Variants in GPAT4 observed in about 807,000 individuals in gnomAD.
The protein encoded by GPAT4 is glycerol-3-phosphate acyltransferase 4.
GPAT4 carries 17 observed loss-of-function variants against 58.0 expected under a neutral mutation model. The observed-to-expected ratio is 0.29, with a 90% CI of 0.20 to 0.44. The LOEUF is 0.44. Among genes scored for constraint, GPAT4 ranks in the 20% least tolerant of loss-of-function variants. GPAT4 has a pLI of 1.00. For missense variants in GPAT4, 377 were observed against 574.5 expected (o/e 0.66, Z 3.51); for synonymous variants, 204 against 210.1 (o/e 0.97, Z 0.25).
intron 1 of GPAT4, among the ~76,000 whole-genome samples, chr8:41,583,151 G>C (rs1802567214): frequency 6.6e-6 from 1 of 151,924 alleles, no homozygotes. Flanking sequence ...GCTTGAACCT[G>C]GAGGCAAAGG....
chr8:41,605,539 GGTTGT>G (rs1456347829), intron 2 of GPAT4, among the ~76,000 whole-genome samples: 1 of 145,082 alleles, frequency 6.9e-6, no homozygotes, highest in African/African-American at 2.5e-5. Flanking sequence ...AATCATTGAA[GGTTGT>G]GTTTTGTTTG....
intron 4 of GPAT4, chr8:41,610,328 C>T (rs2150501395): frequency 8.2e-7 from 1 of 1,221,766 alleles, no homozygotes; most frequent in South Asian, 1.8e-5. Flanking sequence ...CCATGTGCTG[C>T]TCTGAGTGTG....
chr8:41,594,515 G>A lies in GPAT4; in HGVS notation c.-848-3777G>A, dbSNP rs113799424. The stretch of plus-strand genomic sequence containing the variant: ...TCACAACTTTCGCAGACAATTCTTC[G>A]ATATGTCTCAACTTTCTGACTTATT... On this transcript the variant is annotated intron_variant, in intron 1 of 12. Transcript: ENST00000396987. 1.5e-3 allele frequency among the ~76,000 whole-genome samples: 224 copies of A among 148,386 alleles called. 2 individuals carry two copies. Among genetic ancestry groups the A allele is most frequent in the Non-Finnish European group, 2.3e-3 (154 of 67,392 alleles).
At position 41,621,070 on chromosome 8, in the gene GPAT4, C is replaced by T. The variant is rs943867068; in HGVS notation, c.*69C>T. On this transcript the variant is annotated 3_prime_UTR_variant, in exon 13 of 13. Coordinates refer to ENST00000396987, the MANE Select transcript of GPAT4 (RefSeq NM_178819.4). ...GGCTCAGAGCTGGAGTTGCCGCCGC[C>T]GCCCCCACTGCTGTGTCCTTTCCAG... The T allele has an allele frequency of 2.2e-5, 34 of 1,539,334 alleles. No homozygotes were observed. The highest frequency in any genetic ancestry group is 2.6e-5 in the Non-Finnish European group (30 of 1,140,458).
At chr8:41,611,051 A>AC (rs11389883) in intron 5 of GPAT4, among the ~76,000 whole-genome samples, 70,832 of 151,780 alleles carry the variant, frequency 0.47, 16,871 homozygotes, top group African/African-American at 0.55. Flanking sequence ...GCATGGCGAA[A>AC]CCTGTCTCTA....
At chr8:41,595,811 TCTCTTTTC>T (rs78735266) in intron 1 of GPAT4, among the ~76,000 whole-genome samples, 13,942 of 152,078 alleles carry the variant, frequency 0.092, 820 homozygotes, top group South Asian at 0.14. Flanking sequence ...TCTTCCTGTC[TCTCTTTTC>T]CTCTTTTCCT....
chr8:41,579,846 A>C (rs546262206), intron 1 of GPAT4, among the ~76,000 whole-genome samples: 14 of 152,250 alleles, frequency 9.2e-5, no homozygotes, highest in African/African-American at 3.1e-4. Flanking sequence ...CAAAAAAAAA[A>C]AGAAAAGAAA....
intron 2 of GPAT4, 55 bp from the exon 3 acceptor site, chr8:41,609,361 T>C (rs1803373061): frequency 3.9e-6 from 6 of 1,546,706 alleles, no homozygotes; most frequent in Non-Finnish European, 5.4e-6. Context: ...AGGTGTTCAC[T>C]GATTGAAAAC....
chr8:41,583,160 G>A lies in GPAT4; in HGVS notation c.-849+4882G>A, dbSNP rs190530512. On this transcript the variant is annotated intron_variant, in intron 1 of 12. Coordinates refer to ENST00000396987, the MANE Select transcript of GPAT4 (RefSeq NM_178819.4). ...AGAATTGCTTGAACCTGGAGGCAAA[G>A]GATGCAGTGAGCAGAGATCGCACCA... is the stretch of plus-strand genomic sequence containing the variant. Among the ~76,000 whole-genome samples the A allele has an allele frequency of 2.6e-3, 388 of 152,088 alleles. 1 individual carries two copies. Among genetic ancestry groups the A allele is most frequent in the African/African-American group, 8.8e-3 (364 of 41,470 alleles).
At chr8:41,601,167 C>T (rs563330378) in intron 2 of GPAT4, among the ~76,000 whole-genome samples, 224 of 152,004 alleles carry the variant, frequency 1.5e-3, no homozygotes, top group African/African-American at 4.6e-3. Context: ...TTATCTGTAT[C>T]TGGGTCCTTG....
chr8:41,605,790 T>C (rs1803246468), intron 2 of GPAT4, among the ~76,000 whole-genome samples: 1 of 152,208 alleles, frequency 6.6e-6, no homozygotes, highest in African/African-American at 2.4e-5. Context: ...CAGGCTGGTC[T>C]CAAACTCCTG....
At chr8:41,619,118 C>A in intron 12 of GPAT4, 141 bp downstream of exon 12, 1 of 1,046,950 alleles carries the variant, frequency 9.6e-7, no homozygotes, top group Non-Finnish European at 1.4e-6. Context: ...CCCCGAATTC[C>A]AACCCAGAAG....
chr8:41,610,822 G>A lies in GPAT4; in HGVS notation c.611+12G>A, dbSNP rs752114910. On this transcript the variant is annotated intron_variant, in intron 5 of 12. Transcript: ENST00000396987. The stretch of plus-strand genomic sequence containing the variant: ...TTGCCAAATGGGAGGTGAGTAGAGT[G>A]TGGCAGTCCATGCCTGAAGGACAGT... 1.3e-6 allele frequency: 2 copies of A among 1,599,952 alleles called. No homozygotes were observed. The highest frequency in any genetic ancestry group is 1.7e-6 in the Non-Finnish European group (2 of 1,173,520).
intron 1 of GPAT4, among the ~76,000 whole-genome samples, chr8:41,579,948 G>A (rs1214993382): frequency 6.6e-6 from 1 of 152,210 alleles, no homozygotes; most frequent in African/African-American, 2.4e-5. Context: ...GAGAAGTTCA[G>A]TGACTTGTCC....
At chr8:41,602,504 A>T (rs11985557) in intron 2 of GPAT4, among the ~76,000 whole-genome samples, 5 of 151,700 alleles carry the variant, frequency 3.3e-5, no homozygotes, top group African/African-American at 7.3e-5. Flanking sequence ...GTGCTCCGGA[A>T]GAGTGCTGGT....
Position 41,599,136 on chromosome 8 carries a change from C to A in GPAT4, c.-4C>A. The A allele has an allele frequency of 6.2e-7, 1 of 1,609,350 alleles. No individual in the cohort carries two copies. Among genetic ancestry groups the A allele is most frequent in the Middle Eastern group, 1.7e-4 (1 of 6,032 alleles). ...AGGTGCTGGCCTGGCCTGGATCTTC[C>A]ACCATGTTCCTGTTGCTGCCTTTTG... On this transcript the variant is annotated 5_prime_UTR_variant, in exon 2 of 13. Transcript: ENST00000396987.
chr8:41,582,219 G>C (rs1802534397), intron 1 of GPAT4, among the ~76,000 whole-genome samples: 2 of 150,752 alleles, frequency 1.3e-5, no homozygotes, highest in Non-Finnish European at 3.0e-5. Flanking sequence ...GGCCAGGCTG[G>C]TCTCGAACTC....
At position 41,620,161 on chromosome 8, in the gene GPAT4, G is replaced by A. The variant is rs571437619; in HGVS notation, c.1263-732G>A. Among the ~76,000 whole-genome samples the A allele has an allele frequency of 3.3e-4, 51 of 152,378 alleles. No individual in the cohort carries two copies. The South Asian group carries it at 9.1e-3, about 27-fold the overall frequency. The stretch of plus-strand genomic sequence containing the variant: ...GCCTTTGCTATGGATTTTAAAGGGT[G>A]TAGCGGAGAGACTGAAAGCGGGCTT... On this transcript the variant is annotated intron_variant, in intron 12 of 12. Transcript: ENST00000396987.
intron 10 of GPAT4, among the ~76,000 whole-genome samples, chr8:41,615,459 G>C (rs1029422331): frequency 6.6e-6 from 1 of 151,518 alleles, no homozygotes; most frequent in East Asian, 1.9e-4. Flanking sequence ...ATTGGGGGGG[G>C]GGTCATTACT....
Sources: gnomAD v4.1 joint callset for allele counts (sites outside exome capture counted in the v4.1 genomes callset) on GRCh38, gnomAD v4.1.1 for gene constraint, MANE v1.5 for transcripts, NCBI Gene and HGNC (gene_info 2026-07-23, HGNC 2026-07-21) for gene names.